The following CHL1 variants were observed in gnomAD, a reference collection of about 807,000 sequenced individuals.
CHL1 encodes neural cell adhesion molecule L1-like protein.
Under a neutral mutation model 141.9 loss-of-function variants are expected in CHL1, and 96 were observed. The ratio of observed to expected loss-of-function variants is 0.68; its 90% CI spans 0.57 to 0.80. CHL1 has a LOEUF of 0.80. Ranked by LOEUF, CHL1 falls within the 30% of genes least tolerant of loss-of-function variation. The pLI is 0.00. For synonymous variants in CHL1, 613 were observed against 502.2 expected, an observed-to-expected ratio of 1.22 and a Z score of -2.95; for missense variants, 1,820 against 1,457.2, an observed-to-expected ratio of 1.25 and a Z score of -4.05.
rs1704839566 is a variant in CHL1 at position 366,082 on chromosome 3, A to C, written c.1718A>C (p.Glu573Ala). ...SLKLSWSKDG[E>A]AFEINGTEDG... ...AAGTTGTCCTGGAGTAAAGATGGAGAAGCCTTTGAAATTAATGGCACAGAA... is the reference window on the plus strand; with the variant it reads ...AAGTTGTCCTGGAGTAAAGATGGAGCAGCCTTTGAAATTAATGGCACAGAA... Residue 573 changes from glutamate to alanine, a missense_variant, in exon 15 of 28, where the codon GAA (glutamate) becomes GCA (alanine). Physicochemically the swap from Glu to Ala is moderately radical, Grantham distance 107. Transcript: ENST00000256509. 1 of 1,613,828 alleles carries C rather than the reference A, an allele frequency of 6.2e-7. No individual in the cohort carries two copies. The highest frequency in any genetic ancestry group is 8.5e-7 in the Non-Finnish European group (1 of 1,179,914).
chr3:211,441 A>C (rs148002190), intron 1 of CHL1, among the ~76,000 whole-genome samples: 2 of 152,274 alleles, frequency 1.3e-5, no homozygotes, highest in African/African-American at 2.4e-5. Flanking sequence ...TCCTCTCCAA[A>C]TTCTCTCTGA....
intron 1 of CHL1, among the ~76,000 whole-genome samples, chr3:234,980 TC>T (rs1395752676): frequency 7.7e-6 from 1 of 130,184 alleles, no homozygotes; most frequent in Non-Finnish European, 1.7e-5. Context: ...GATTTATAAT[TC>T]TTTTTTTATT....
chr3:388,185 A>G (rs1707912573), intron 19 of CHL1, among the ~76,000 whole-genome samples: 1 of 152,010 alleles, frequency 6.6e-6, no homozygotes, highest in African/African-American at 2.4e-5. Context: ...AAACCACATT[A>G]TTGTTTTTAA....
chr3:320,100 T>A (rs1288980589), intron 3 of CHL1, among the ~76,000 whole-genome samples: 1 of 152,016 alleles, frequency 6.6e-6, no homozygotes, highest in Non-Finnish European at 1.5e-5. Flanking sequence ...ACTTAGAACA[T>A]AACAAGAATA....
At chr3:328,094 T>C in intron 4 of CHL1, 73 bp from the exon 5 acceptor site, 1 of 1,155,010 alleles carries the variant, frequency 8.7e-7, no homozygotes, top group Non-Finnish European at 1.2e-6. Flanking sequence ...GTCAATTTTA[T>C]GCAATTGTTA....
intron 19 of CHL1, among the ~76,000 whole-genome samples, chr3:387,464 T>A (rs1707843072): frequency 6.6e-6 from 1 of 152,178 alleles, no homozygotes; most frequent in African/African-American, 2.4e-5. Flanking sequence ...TCAGGCTGTT[T>A]ATTTGGGTTC....
intron 1 of CHL1, among the ~76,000 whole-genome samples, chr3:243,305 T>C (rs1452014198): frequency 6.6e-6 from 1 of 152,190 alleles, no homozygotes; most frequent in Non-Finnish European, 1.5e-5. Flanking sequence ...TCTACTTAGG[T>C]AAACTTCTGT....
intron 16 of CHL1, 72 bp downstream of exon 16, chr3:378,014 T>A: frequency 7.4e-7 from 1 of 1,344,270 alleles, no homozygotes. Flanking sequence ...TCCTGGCCAA[T>A]AAAGCTAATG....
intron 2 of CHL1, among the ~76,000 whole-genome samples, chr3:294,990 G>A (rs915792194): frequency 3.3e-5 from 5 of 152,144 alleles, no homozygotes; most frequent in African/African-American, 1.2e-4. Context: ...TATTAAAATG[G>A]TAATAATTTG....
intron 2 of CHL1, among the ~76,000 whole-genome samples, chr3:298,689 G>A (rs559786323): frequency 6.6e-6 from 1 of 152,118 alleles, no homozygotes; most frequent in Non-Finnish European, 1.5e-5. Flanking sequence ...AGATTTGACT[G>A]GGCTACCTTG....
intron 1 of CHL1, among the ~76,000 whole-genome samples, chr3:237,828 A>C (rs13097709): frequency 6.6e-6 from 1 of 152,110 alleles, no homozygotes; most frequent in South Asian, 2.1e-4. Context: ...TGTTTAGTGG[A>C]GAGTCAATAT....
intron 1 of CHL1, among the ~76,000 whole-genome samples, chr3:238,003 T>C (rs1360311823): frequency 2.6e-5 from 4 of 152,190 alleles, no homozygotes; most frequent in Admixed American, 2.0e-4. Context: ...TAACAAAGTA[T>C]CGTATTTTTT....
intron 18 of CHL1, 42 bp downstream of exon 18, chr3:382,713 T>G: frequency 1.3e-6 from 2 of 1,551,152 alleles, no homozygotes; most frequent in South Asian, 1.1e-5. Flanking sequence ...AAATATTTGT[T>G]TGTCCCCATC....
In CHL1 at chr3:343,000, C is replaced by G. The variant is rs200496058; in HGVS notation, c.696C>G (p.Asp232Glu). Reference sequence around the variant, plus strand: ...TTATTTCAGTAAAGCATGCTAATGACTCAAGTTCATCCACAGAAATTGGTT... The same window carrying G: ...TTATTTCAGTAAAGCATGCTAATGAGTCAAGTTCATCCACAGAAATTGGTT... ...LTVNSLKHAN[D>E]SSSSTEIGSK... The change falls in exon 8 of 28, where the codon GAC becomes GAG. Residue 232 changes from aspartate to glutamate, a missense_variant. Transcript: ENST00000256509. 1.2e-6 allele frequency: 2 copies of G among 1,609,076 alleles called. No individual in the cohort carries two copies. Among genetic ancestry groups the G allele is most frequent in the Non-Finnish European group, 1.7e-6 (2 of 1,178,148 alleles).
chr3:349,839 G>C (rs1054197489), intron 10 of CHL1, among the ~76,000 whole-genome samples: 5 of 152,150 alleles, frequency 3.3e-5, no homozygotes, highest in African/African-American at 7.2e-5. Flanking sequence ...TATTTTTATT[G>C]TAATACACAT....
intron 1 of CHL1, among the ~76,000 whole-genome samples, chr3:233,588 C>G (rs1691625906): frequency 6.6e-6 from 1 of 152,086 alleles, no homozygotes; most frequent in Admixed American, 6.6e-5. Flanking sequence ...ACAATGGTAG[C>G]AAGTTGATGT....
chr3:208,570 G>T (rs1186910285), intron 1 of CHL1, among the ~76,000 whole-genome samples: 1 of 152,126 alleles, frequency 6.6e-6, no homozygotes, highest in Admixed American at 6.5e-5. Context: ...TTGGTTCTAG[G>T]CCTTTATTCA....
chr3:276,890 T>TAAA (rs11292528), intron 2 of CHL1, among the ~76,000 whole-genome samples: 9 of 64,422 alleles, frequency 1.4e-4, no homozygotes, highest in Non-Finnish European at 2.5e-4. Flanking sequence ...CTCCGTCTCC[T>TAAA]AAAAAAAAAA....
At chr3:307,977 A>G (rs1260747448) in intron 2 of CHL1, among the ~76,000 whole-genome samples, 1 of 152,226 alleles carries the variant, frequency 6.6e-6, no homozygotes. Flanking sequence ...ACCTATGAAT[A>G]TGGTTGGCCT....
Sources: gnomAD v4.1 joint callset for allele counts (sites outside exome capture counted in the v4.1 genomes callset) on GRCh38, gnomAD v4.1.1 for gene constraint, MANE v1.5 for transcripts, NCBI Gene and HGNC (gene_info 2026-07-23, HGNC 2026-07-21) for gene names.